GPHN: variants seen among roughly 807,000 people sequenced by gnomAD.
The protein encoded by GPHN is gephyrin.
A neutral mutation model predicts 95.5 loss-of-function variants in GPHN; 17 were observed. The observed-to-expected ratio is 0.18, with a 90% CI of 0.12 to 0.27. GPHN has a LOEUF of 0.27. GPHN is among the 10% of genes least tolerant of loss of function. GPHN has a pLI of 1.00. For missense variants in GPHN, 660 were observed against 978.1 expected, an observed-to-expected ratio of 0.67 and a Z score of 4.34; for synonymous variants, 320 against 322.5, an observed-to-expected ratio of 0.99 and a Z score of 0.08.
chr14:67,319,369 T>C, the GPHN span, among the ~76,000 whole-genome samples: 3 of 152,222 alleles, frequency 2.0e-5, no homozygotes, highest in Non-Finnish European at 4.4e-5. Flanking sequence ...TTATGGGCTT[T>C]AGGAATGTTA....
the GPHN span, chr14:67,393,002 C>A: frequency 1.2e-6 from 1 of 866,296 alleles, no homozygotes. Context: ...AGAGCCGTGG[C>A]TGCACACCCA....
the GPHN span, among the ~76,000 whole-genome samples, chr14:67,598,714 T>TTTTTA: frequency 4.9e-4 from 3 of 6,164 alleles, no homozygotes; most frequent in Non-Finnish European, 1.6e-3. Context: ...ATGAACAAAC[T>TTTTTA]TTTTTTTTTT....
intron 9 of GPHN, among the ~76,000 whole-genome samples, chr14:67,013,264 C>A (rs1398185123): frequency 6.6e-6 from 1 of 151,888 alleles, no homozygotes; most frequent in East Asian, 1.9e-4. Context: ...GGTTATTTAG[C>A]TAGCCTAACT....
intron 1 of GPHN, among the ~76,000 whole-genome samples, chr14:66,588,475 A>G (rs1381585001): frequency 6.6e-6 from 1 of 152,128 alleles, no homozygotes; most frequent in East Asian, 1.9e-4. Flanking sequence ...CCAATGCAAG[A>G]AGCTAAGAAC....
chr14:67,040,084 G>T (rs1174468152), intron 10 of GPHN, among the ~76,000 whole-genome samples: 1 of 152,068 alleles, frequency 6.6e-6, no homozygotes, highest in Non-Finnish European at 1.5e-5. Context: ...CCTAAAAATT[G>T]AGTATTTTAT....
At chr14:66,542,660 C>A (rs2059396932) in intron 1 of GPHN, among the ~76,000 whole-genome samples, 1 of 152,160 alleles carries the variant, frequency 6.6e-6, no homozygotes, top group Non-Finnish European at 1.5e-5. Context: ...GAAGACAAAC[C>A]TACTGCTACC....
At chr14:66,553,237 C>T (rs891240341) in intron 1 of GPHN, among the ~76,000 whole-genome samples, 6 of 152,030 alleles carry the variant, frequency 3.9e-5, no homozygotes, top group Non-Finnish European at 5.9e-5. Flanking sequence ...GCAATCTGCC[C>T]GCCTCGGCCT....
intron 11 of GPHN, among the ~76,000 whole-genome samples, chr14:67,066,160 T>C (rs1022296480): frequency 6.6e-6 from 1 of 152,224 alleles, no homozygotes; most frequent in Non-Finnish European, 1.5e-5. Context: ...AGCATTTGCT[T>C]GTCTGTAAAG....
chr14:66,852,690 G>A (rs1410879842), intron 4 of GPHN, among the ~76,000 whole-genome samples: 1 of 152,168 alleles, frequency 6.6e-6, no homozygotes, highest in African/African-American at 2.4e-5. Flanking sequence ...CAGTAGTCAA[G>A]CTAATTGTCT....
At chr14:66,875,590 A>G (rs546588311) in intron 4 of GPHN, among the ~76,000 whole-genome samples, 2 of 152,324 alleles carry the variant, frequency 1.3e-5, no homozygotes, top group Non-Finnish European at 2.9e-5. Context: ...AAGCAAAAAA[A>G]AGCAGGGGTT....
At chr14:67,474,242 ACT>A in the GPHN span, among the ~76,000 whole-genome samples, 1 of 145,750 alleles carries the variant, frequency 6.9e-6, no homozygotes, top group African/African-American at 2.6e-5. Flanking sequence ...ACAGAGTGAG[ACT>A]CTGTCTCCAA....
chr14:66,519,199 A>AATTAG (rs1416649901), intron 1 of GPHN, among the ~76,000 whole-genome samples: 1 of 152,068 alleles, frequency 6.6e-6, no homozygotes, highest in Non-Finnish European at 1.5e-5. Context: ...AGTTAAATTT[A>AATTAG]TTAAAGTATA....
intron 9 of GPHN, among the ~76,000 whole-genome samples, chr14:66,968,184 A>C (rs2153589520): frequency 6.6e-6 from 1 of 152,120 alleles, no homozygotes; most frequent in East Asian, 1.9e-4. Flanking sequence ...CGAGAAGTCC[A>C]AAAGCAATTT....
At chr14:67,308,428 A>G in the GPHN span, among the ~76,000 whole-genome samples, 1 of 152,010 alleles carries the variant, frequency 6.6e-6, no homozygotes, top group Admixed American at 6.5e-5. Flanking sequence ...TTGTCTCCCA[A>G]GTACACTGTC....
chr14:67,092,527 T>C (rs1216511869), intron 12 of GPHN, among the ~76,000 whole-genome samples: 1 of 152,102 alleles, frequency 6.6e-6, no homozygotes, highest in East Asian at 1.9e-4. Flanking sequence ...TTGCTCTGGA[T>C]CACTAAGCAT....
the GPHN span, among the ~76,000 whole-genome samples, chr14:67,289,871 C>T: frequency 3.1e-3 from 464 of 150,240 alleles, 3 homozygotes; most frequent in African/African-American, 0.011. Flanking sequence ...CCTGGGTTCA[C>T]GCCATTCTCC....
chr14:67,514,131 C>A, the GPHN span, among the ~76,000 whole-genome samples: 1 of 152,088 alleles, frequency 6.6e-6, no homozygotes, highest in Non-Finnish European at 1.5e-5. Context: ...CAGCAGAAAG[C>A]TGCCTGGGGT....
chr14:66,962,290 T>A (rs940879616), intron 8 of GPHN, among the ~76,000 whole-genome samples: 1 of 151,612 alleles, frequency 6.6e-6, no homozygotes, highest in African/African-American at 2.4e-5. Context: ...AACAACTGTA[T>A]ATCTGCAATA....
At chr14:66,681,338 A>G (rs143153065) in intron 2 of GPHN, among the ~76,000 whole-genome samples, 153 bp downstream of exon 2, 1 of 152,176 alleles carries the variant, frequency 6.6e-6, no homozygotes, top group Non-Finnish European at 1.5e-5. Flanking sequence ...CTGACAGAAC[A>G]GTTCAGAAAT....
Sources: allele counts gnomAD v4.1 joint callset (sites outside exome capture counted in the v4.1 genomes callset), GRCh38; gene constraint gnomAD v4.1.1; transcripts MANE v1.5; gene names NCBI Gene and HGNC (gene_info 2026-07-23, HGNC 2026-07-21).